The following AURKA variants were observed in gnomAD, a reference collection of about 807,000 sequenced individuals.
AURKA encodes the protein aurora 2.
Under a neutral mutation model 40.9 loss-of-function variants are expected in AURKA, and 12 were observed. The ratio of observed to expected loss-of-function variants is 0.29; its 90% CI spans 0.19 to 0.48. The LOEUF is 0.48. Ranked by LOEUF, AURKA falls within the 20% of genes least tolerant of loss-of-function variation. The pLI, the probability that AURKA is intolerant of heterozygous loss-of-function variation, is 0.99. For synonymous variants in AURKA, 170 were observed against 164.3 expected (o/e 1.03, Z -0.26); for missense variants, 322 against 462.1 (o/e 0.70, Z 2.78).
intron 6 of AURKA, among the ~76,000 whole-genome samples, chr20:56,375,818 T>C (rs1177395387): frequency 6.6e-6 from 1 of 152,238 alleles, no homozygotes; most frequent in African/African-American, 2.4e-5. Context: ...ATTAGTTTCA[T>C]GATAGCCCTC....
At chr20:56,370,407 C>A (rs1030848390) in intron 8 of AURKA, 67 bp from the exon 9 acceptor site, 1 of 1,613,604 alleles carries the variant, frequency 6.2e-7, no homozygotes, top group Non-Finnish European at 8.5e-7. Context: ...TATAGATGTT[C>A]GGATCTTGGC....
intron 1 of AURKA, 148 bp from the exon 2 acceptor site, chr20:56,388,350 G>A: frequency 1.3e-6 from 1 of 759,758 alleles, no homozygotes; most frequent in Non-Finnish European, 2.3e-6. Flanking sequence ...GCTAATGAGG[G>A]AGGGACAGGC....
intron 3 of AURKA, among the ~76,000 whole-genome samples, chr20:56,385,434 T>C (rs1986228300): frequency 6.6e-6 from 1 of 151,744 alleles, no homozygotes; most frequent in African/African-American, 2.4e-5. Flanking sequence ...AGCGTTCTAC[T>C]CCAATTTATT....
intron 2 of AURKA, among the ~76,000 whole-genome samples, chr20:56,387,271 G>C (rs1986485592): frequency 6.6e-6 from 1 of 152,116 alleles, no homozygotes; most frequent in African/African-American, 2.4e-5. Flanking sequence ...CTCTGCCTCA[G>C]CCTCCCAAGC....
At position 56,370,124 on chromosome 20, in the gene AURKA, C is replaced by T. The variant is rs781138597; in HGVS notation, c.*34G>A. 1 of 1,611,092 alleles carries T rather than the reference C, an allele frequency of 6.2e-7. No homozygotes were observed. Among genetic ancestry groups the T allele is most frequent in the South Asian group, 1.1e-5 (1 of 90,978 alleles). On this transcript the variant is annotated 3_prime_UTR_variant, in exon 9 of 9. Coordinates refer to ENST00000395915, the MANE Select transcript of AURKA (RefSeq NM_198437.3). ...ATGTTCCTGTCAGGTTATATGGCAG[C>T]CCTGGCTCAAGGATTTCTCCCCCTG...
intron 7 of AURKA, among the ~76,000 whole-genome samples, chr20:56,371,092 C>T (rs1341681416): frequency 6.6e-6 from 1 of 152,152 alleles, no homozygotes; most frequent in Non-Finnish European, 1.5e-5. Flanking sequence ...GATGTAGACA[C>T]ATGCTGCCTT....
rs1983947678 is a variant in AURKA, at chr20:56,370,238, G to T, written c.1132C>A (p.Leu378Ile). ...PSQRPMLREV[L>I]EHPWITANSS... ...TTTGCTGTGATCCAGGGGTGTTCAA[G>T]TACTTCTCTGAGCATTGGCCTCTGG... The change falls in exon 9 of 9, where the codon CTT (leucine) becomes ATT (isoleucine). Residue 378 changes from leucine (L) to isoleucine (I), a missense_variant. Physicochemically the swap from Leu to Ile is conservative, Grantham distance 5. Transcript: ENST00000395915. 1 of 1,614,024 alleles carries T rather than the reference G, an allele frequency of 6.2e-7. No homozygotes were observed. Among genetic ancestry groups the T allele is most frequent in the Non-Finnish European group, 8.5e-7 (1 of 1,180,040 alleles).
intron 1 of AURKA, 47 bp from the exon 2 acceptor site, chr20:56,388,249 T>C: frequency 9.4e-7 from 1 of 1,066,918 alleles, no homozygotes; most frequent in Non-Finnish European, 1.2e-6. Context: ...GCCACCTGCT[T>C]AAAGTGCTGT....
In AURKA at chr20:56,370,067, C is replaced by T; in HGVS notation, c.*91G>A. On this transcript the variant is annotated 3_prime_UTR_variant, in exon 9 of 9. Coordinates refer to ENST00000395915, the MANE Select transcript of AURKA (RefSeq NM_198437.3). ...CTTGTGTAGCGTTCTAGATTGAGGG[C>T]AGCAGTCAATGGTAAAATAAACTTC... The T allele has an allele frequency of 6.8e-7, 1 of 1,479,010 alleles. No individual in the cohort carries two copies. Among genetic ancestry groups the T allele is most frequent in the African/African-American group, 1.4e-5 (1 of 72,248 alleles). 91.6% of individuals were successfully genotyped at this position (1,479,010 alleles called of 1,614,324 possible). A position where few individuals can be genotyped will look rare whatever the true frequency, so the allele number is the denominator to read the frequency against.
chr20:56,379,442 T>A (rs1985397867), intron 6 of AURKA, among the ~76,000 whole-genome samples: 1 of 152,174 alleles, frequency 6.6e-6, no homozygotes, highest in South Asian at 2.1e-4. Context: ...GATAGATGGA[T>A]AAATCTATAC....
chr20:56,389,445 C>T (rs1315865153), intron 1 of AURKA, among the ~76,000 whole-genome samples: 3 of 152,146 alleles, frequency 2.0e-5, no homozygotes, highest in African/African-American at 7.2e-5. Flanking sequence ...TTCTCACCTC[C>T]CTGTTCATGG....
intron 7 of AURKA, among the ~76,000 whole-genome samples, chr20:56,372,075 G>C (rs1167886093): frequency 6.6e-6 from 1 of 152,170 alleles, no homozygotes; most frequent in African/African-American, 2.4e-5. Flanking sequence ...AAAAAGCTGG[G>C]AACAGCAGAC....
At chr20:56,371,948 G>A (rs534117553) in intron 7 of AURKA, among the ~76,000 whole-genome samples, 1 of 152,336 alleles carries the variant, frequency 6.6e-6, no homozygotes, top group South Asian at 2.1e-4. Flanking sequence ...AAAAGCAGAT[G>A]CAGCCCTTCT....
At chr20:56,391,519 C>A (rs1463586549) in intron 1 of AURKA, among the ~76,000 whole-genome samples, 1 of 151,974 alleles carries the variant, frequency 6.6e-6, no homozygotes, top group Non-Finnish European at 1.5e-5. Context: ...GGTCCTACCC[C>A]TCAGAGATTC....
At position 56,383,127 on chromosome 20, in the gene AURKA, C is replaced by A. The variant is rs1308043779; in HGVS notation, c.424G>T (p.Gly142Ter). ...DFEIGRPLGK[G>*]KFGNVYLARE... ...GCCAAATAAACATTACCAAACTTTC[C>A]TTTACCCAGAGGGCGACCAATTTCA... Residue 142 changes from glycine to a stop codon, truncating the protein, a stop_gained, in exon 5 of 9, where the codon GGA (glycine) becomes TGA (stop). Coordinates refer to ENST00000395915, the MANE Select transcript of AURKA (RefSeq NM_198437.3). LOFTEE classifies it high-confidence loss of function. 1 of 1,614,220 alleles carries A rather than the reference C, an allele frequency of 6.2e-7. No homozygotes were observed. Among genetic ancestry groups the A allele is most frequent in the Non-Finnish European group, 8.5e-7 (1 of 1,180,048 alleles).
In AURKA at chr20:56,369,939, C is replaced by T; in HGVS notation, c.*219G>A. The T allele has an allele frequency of 1.5e-6, 1 of 652,428 alleles. No homozygotes were observed. Among genetic ancestry groups the T allele is most frequent in the Non-Finnish European group, 2.7e-6 (1 of 366,174 alleles). 40.4% of individuals were successfully genotyped at this position (652,428 alleles called of 1,614,324 possible). ...CCAGATTATGAACCAGTATAAGTAG[C>T]ACAATTCTCGTGGCTACTTTCACTT... On this transcript the variant is annotated 3_prime_UTR_variant, in exon 9 of 9. Transcript: ENST00000395915.
intron 6 of AURKA, among the ~76,000 whole-genome samples, chr20:56,378,741 GATGAATCTTCA>G (rs201655791): frequency 0.013 from 2,038 of 152,214 alleles, 46 homozygotes; most frequent in African/African-American, 0.047. Flanking sequence ...AAAATACACA[GATGAATCTTCA>G]ATGCATATTG....
chr20:56,387,117 C>T (rs1479097786), intron 2 of AURKA, among the ~76,000 whole-genome samples: 1 of 152,080 alleles, frequency 6.6e-6, no homozygotes, highest in African/African-American at 2.4e-5. Flanking sequence ...AAAGAGGAAA[C>T]AAATGTAGAC....
At chr20:56,391,415 C>T (rs1987096802) in intron 1 of AURKA, among the ~76,000 whole-genome samples, 1 of 152,246 alleles carries the variant, frequency 6.6e-6, no homozygotes, top group African/African-American at 2.4e-5. Flanking sequence ...TGCATTTTAA[C>T]GTCCCCAGAC....
Sources: allele counts gnomAD v4.1 joint callset (sites outside exome capture counted in the v4.1 genomes callset), GRCh38; gene constraint gnomAD v4.1.1; transcripts MANE v1.5; gene names NCBI Gene and HGNC (gene_info 2026-07-23, HGNC 2026-07-21).